The following ARHGEF18 variants were observed in gnomAD, a reference collection of about 807,000 sequenced individuals.
ARHGEF18 encodes the protein rho guanine nucleotide exchange factor 18.
A neutral mutation model predicts 155.7 loss-of-function variants in ARHGEF18; 93 were observed. The ratio of observed to expected loss-of-function variants is 0.60; its 90% CI spans 0.50 to 0.71. The LOEUF (loss-of-function observed/expected upper bound fraction) is 0.71, where lower values mean the gene tolerates loss of function less well. Ranked by LOEUF, ARHGEF18 falls within the 30% of genes least tolerant of loss-of-function variation. The pLI, the probability that ARHGEF18 is intolerant of heterozygous loss-of-function variation, is 0.00. For synonymous variants in ARHGEF18, 742 were observed against 753.1 expected (o/e 0.99, Z 0.24); for missense variants, 1,593 against 1,816.1 (o/e 0.88, Z 2.23).
rs2053906788 is a variant in ARHGEF18, at chr19:7,372,998, T to G, written c.202T>G (p.Leu68Val). 6 of 1,234,434 alleles carry G rather than the reference T, an allele frequency of 4.9e-6. No homozygotes were observed. The highest frequency in any genetic ancestry group is 6.1e-6 in the Non-Finnish European group (6 of 988,204). The allele number at this position is 1,234,434 out of a possible 1,614,324, so 76.5% of individuals were successfully genotyped here. Residue 68 changes from leucine to valine, a missense_variant, in exon 3 of 29, where the codon TTG becomes GTG. Leu to Val is a conservative substitution (Grantham distance 32). Transcript: ENST00000668164. ...EPGRDSLFSS[L>V]AGSQDLSRRR... ...AGGAAGAGATTCTCTTTTCTCCAGC[T>G]TGGCAGGGTCCCAAGACCTGTCAAG...
At chr19:7,443,741 C>A (rs1456844695) in intron 13 of ARHGEF18, among the ~76,000 whole-genome samples, 1 of 152,052 alleles carries the variant, frequency 6.6e-6, no homozygotes, top group Non-Finnish European at 1.5e-5. Context: ...ACTCTTCTTC[C>A]TAAAACAGAC....
chr19:7,476,875 G>A (rs1475309477), downstream of ARHGEF18: 2 of 301,658 alleles, frequency 6.6e-6, no homozygotes, highest in Non-Finnish European at 1.2e-5. Context: ...TGAGCCAGGC[G>A]CCAGCACCAC....
In ARHGEF18 at chr19:7,367,746, C is replaced by CAAAA. The variant is rs776839774; in HGVS notation, c.15+4851_15+4854dup. On this transcript the variant is annotated intron_variant, in intron 2 of 28. Transcript: ENST00000668164. ...AGGCAACAAGAGTGAAACTCCATCT[C>CAAAA]AAAAAAAAAAAAATATATATATATA... 2.8e-4 allele frequency among the ~76,000 whole-genome samples: 10 copies of CAAAA among 36,346 alleles called. 1 individual carries two copies. Among genetic ancestry groups the CAAAA allele is most frequent in the Admixed American group, 6.6e-4 (2 of 3,036 alleles). 23.8% of individuals were successfully genotyped at this position (36,346 alleles called of 152,430 possible). A position where few individuals can be genotyped will look rare whatever the true frequency, so the allele number is the denominator to read the frequency against.
chr19:7,437,092 C>G (rs1044183806), intron 10 of ARHGEF18, among the ~76,000 whole-genome samples: 1 of 152,164 alleles, frequency 6.6e-6, no homozygotes, highest in African/African-American at 2.4e-5. Flanking sequence ...AACACACACT[C>G]ACCTGCTCGT....
Position 7,456,510 on chromosome 19 carries a change from A to G in ARHGEF18, c.2181+107A>G, listed in dbSNP as rs953325976. ...GGTGGGCAGATCACTTGAGGTCAAGAGTTGAAGTCCAGCCTGGCCAACATG... is the reference window on the plus strand; with the variant it reads ...GGTGGGCAGATCACTTGAGGTCAAGGGTTGAAGTCCAGCCTGGCCAACATG... On this transcript the variant is annotated intron_variant, in intron 18 of 28. Coordinates refer to ENST00000668164, the MANE Select transcript of ARHGEF18 (RefSeq NM_001367823.1). 4 of 1,016,650 alleles carry G rather than the reference A, an allele frequency of 3.9e-6. No homozygotes were observed. In the African/African-American group the frequency reaches 6.4e-5, roughly 16 times the overall value. The allele number at this position is 1,016,650 out of a possible 1,614,324, so 63.0% of individuals were successfully genotyped here.
rs1410000385 is a variant in ARHGEF18 at position 7,442,161 on chromosome 19, CCTTCCTTCCTTA to C, written c.1360+110_1360+121del. On this transcript the variant is annotated intron_variant, in intron 13 of 28. Coordinates refer to ENST00000668164, the MANE Select transcript of ARHGEF18 (RefSeq NM_001367823.1). ...TCCTTCCTTCCTTCCTTCCTTCCTT[CCTTCCTTCCTTA>C]TCTTTTTCTTTCTTTCTTTCTCTCT... The C allele has an allele frequency of 3.9e-6, 3 of 776,580 alleles. No homozygotes were observed. The African/African-American group carries it at 6.8e-5, about 18-fold the overall frequency. The allele number at this position is 776,580 out of a possible 1,614,324, so 48.1% of individuals were successfully genotyped here. A position where few individuals can be genotyped will look rare whatever the true frequency, so the allele number is the denominator to read the frequency against.
intron 10 of ARHGEF18, among the ~76,000 whole-genome samples, chr19:7,385,870 TCCCC>T (rs1279086371): frequency 1.0e-4 from 3 of 29,540 alleles, no homozygotes; most frequent in African/African-American, 1.9e-4. Context: ...TCTCTCTCTC[TCCCC>T]CCTCCCTCTC....
chr19:7,419,401 G>A (rs1973222019), intron 10 of ARHGEF18, among the ~76,000 whole-genome samples: 1 of 149,386 alleles, frequency 6.7e-6, no homozygotes, highest in Non-Finnish European at 1.5e-5. Flanking sequence ...CCCACACTCA[G>A]CCCCTACAAC....
In ARHGEF18 at chr19:7,463,925, G is replaced by A. The variant is rs1198858576; in HGVS notation, c.2743G>A (p.Gly915Ser). The change falls in exon 22 of 29, where the codon GGC becomes AGC. Residue 915 changes from glycine (G) to serine (S), a missense_variant. Gly to Ser is a moderately conservative substitution (Grantham distance 56, BLOSUM62 0). Coordinates refer to ENST00000668164, the MANE Select transcript of ARHGEF18 (RefSeq NM_001367823.1). The surrounding 1 kb of genome is among the most constrained non-coding windows in gnomAD (Gnocchi z 5.2). ...GPPRRAETFA[G>S]YDCTNSPTKN... ...GCCCAGGAGGGCTGAGACCTTCGCG[G>A]GCTACGACTGCACAAACAGCCCCAC... is the stretch of plus-strand genomic sequence containing the variant. 3.8e-6 allele frequency: 6 copies of A among 1,594,378 alleles called. No homozygotes were observed. Among genetic ancestry groups the A allele is most frequent in the Non-Finnish European group, 5.1e-6 (6 of 1,170,976 alleles).
In ARHGEF18 at chr19:7,463,900, G is replaced by A. The variant is rs779380006; in HGVS notation, c.2718G>A (p.Pro906=). The A allele has an allele frequency of 1.8e-5, 28 of 1,599,116 alleles. No individual in the cohort carries two copies. Among genetic ancestry groups the A allele is most frequent in the East Asian group, 4.5e-5 (2 of 44,338 alleles). The stretch of plus-strand genomic sequence containing the variant: ...AAGACGGAGGCAGCTCCACAGGCCC[G>A]CCCAGGAGGGCTGAGACCTTCGCGG... The part of the protein sequence containing the change: ...QAEDGGSSTG[P]PRRAETFAGY... The change falls in exon 22 of 29, where the codon CCG becomes CCA. Residue 906 remains proline (P), a synonymous_variant. Coordinates refer to ENST00000668164, the MANE Select transcript of ARHGEF18 (RefSeq NM_001367823.1). The surrounding 1 kb of genome is among the most constrained non-coding windows in gnomAD (Gnocchi z 5.2).
At chr19:7,425,454 C>T (rs1249088511) in intron 10 of ARHGEF18, among the ~76,000 whole-genome samples, 8 of 151,934 alleles carry the variant, frequency 5.3e-5, no homozygotes, top group Non-Finnish European at 7.4e-5. Flanking sequence ...GAGGGTGAGG[C>T]GGGCGGATCA....
chr19:7,465,348 C>T (rs995679147), intron 23 of ARHGEF18, among the ~76,000 whole-genome samples: 27 of 151,682 alleles, frequency 1.8e-4, no homozygotes, highest in African/African-American at 5.1e-4. Flanking sequence ...AAGCAGGGGC[C>T]GGGTGCAGTG....
intron 10 of ARHGEF18, among the ~76,000 whole-genome samples, chr19:7,389,597 A>G (rs1306625477): frequency 2.0e-5 from 3 of 148,494 alleles, no homozygotes; most frequent in Non-Finnish European, 4.5e-5. Context: ...GCAGTGGCAC[A>G]ATCTTGGCTC....
intron 1 of ARHGEF18, among the ~76,000 whole-genome samples, chr19:7,359,669 G>A (rs1393816482): frequency 2.0e-5 from 3 of 151,536 alleles, no homozygotes; most frequent in African/African-American, 7.3e-5. Flanking sequence ...GCCAGATGAA[G>A]TTCAGTCTGT....
chr19:7,462,217 G>C lies in ARHGEF18; in HGVS notation c.2518G>C (p.Glu840Gln), dbSNP rs1217922000. Reference sequence around the variant, plus strand: ...CCTAGAGAAACAGCAGATCTACCTGGAGATGGCCGAGATGGGCGGCCTCGA... The same window carrying C: ...CCTAGAGAAACAGCAGATCTACCTGCAGATGGCCGAGATGGGCGGCCTCGA... ...SLLEKQQIYL[E>Q]MAEMGGLEDL... is the part of the protein sequence containing the mutation. Residue 840 changes from glutamate to glutamine, a missense_variant, in exon 21 of 29, where the codon GAG (glutamate) becomes CAG (glutamine). Transcript: ENST00000668164. This position sits in a 1 kb window ranked among gnomAD's most constrained non-coding sequence, Gnocchi z 4.4. 6.2e-7 allele frequency: 1 copy of C among 1,613,986 alleles called. No homozygotes were observed. Among genetic ancestry groups the C allele is most frequent in the South Asian group, 1.1e-5 (1 of 91,088 alleles).
intron 14 of ARHGEF18, among the ~76,000 whole-genome samples, chr19:7,446,469 G>A (rs546129891): frequency 3.3e-5 from 5 of 152,216 alleles, no homozygotes; most frequent in African/African-American, 4.8e-5. Context: ...CTGGCCAGGC[G>A]CGGTGGCTCA....
chr19:7,365,378 G>A (rs1969840461), intron 2 of ARHGEF18, among the ~76,000 whole-genome samples: 1 of 152,174 alleles, frequency 6.6e-6, no homozygotes, highest in African/African-American at 2.4e-5. Context: ...AGTGAGCCAA[G>A]ATCACACCAT....
At chr19:7,402,367 C>T (rs1303933179) in intron 10 of ARHGEF18, among the ~76,000 whole-genome samples, 1 of 152,068 alleles carries the variant, frequency 6.6e-6, no homozygotes, top group African/African-American at 2.4e-5. Flanking sequence ...TGCAGTGAGC[C>T]GAGATCCTGC....
At chr19:7,425,305 G>C (rs1192323687) in intron 10 of ARHGEF18, among the ~76,000 whole-genome samples, 1 of 151,944 alleles carries the variant, frequency 6.6e-6, no homozygotes, top group African/African-American at 2.4e-5. Context: ...TACACATTTA[G>C]AGAAATGCGT....
Sources: allele counts gnomAD v4.1 joint callset (sites outside exome capture counted in the v4.1 genomes callset), GRCh38; gene constraint gnomAD v4.1.1; non-coding constraint Gnocchi (gnomAD v3.1); transcripts MANE v1.5; gene names NCBI Gene and HGNC (gene_info 2026-07-23, HGNC 2026-07-21).